The following WASF3 variants were observed in gnomAD, a reference collection of about 807,000 sequenced individuals.
The protein encoded by WASF3 is WASP family member 3.
Under a neutral mutation model 46.6 loss-of-function variants are expected in WASF3, and 11 were observed. That is an observed-to-expected ratio of 0.24 (90% CI 0.15 to 0.39). The LOEUF (loss-of-function observed/expected upper bound fraction) is 0.39, where lower values mean the gene tolerates loss of function less well. WASF3 is among the 10% of genes least tolerant of loss of function. WASF3 has a pLI of 1.00. For synonymous variants in WASF3, 242 were observed against 259.7 expected, an observed-to-expected ratio of 0.93 and a Z score of 0.65; for missense variants, 576 against 669.8, an observed-to-expected ratio of 0.86 and a Z score of 1.55.
intron 7 of WASF3, among the ~76,000 whole-genome samples, chr13:26,680,852 C>T (rs1883203383): frequency 6.6e-6 from 1 of 152,162 alleles, no homozygotes; most frequent in Admixed American, 6.5e-5. Flanking sequence ...ATCCATGTAA[C>T]ACTGGGGCTT....
At chr13:26,663,402 T>C (rs1182476513) in intron 3 of WASF3, among the ~76,000 whole-genome samples, 1 of 152,162 alleles carries the variant, frequency 6.6e-6, no homozygotes, top group African/African-American at 2.4e-5. Context: ...TGTATATAGT[T>C]TGTGTGAAGG....
At chr13:26,678,593 C>G (rs771156619) in intron 7 of WASF3, among the ~76,000 whole-genome samples, 3 of 152,044 alleles carry the variant, frequency 2.0e-5, no homozygotes, top group African/African-American at 4.8e-5. Flanking sequence ...AATTTAAATA[C>G]CAGGTTTCAT....
chr13:26,613,880 A>G (rs942650418), intron 2 of WASF3, among the ~76,000 whole-genome samples: 2 of 152,138 alleles, frequency 1.3e-5, no homozygotes, highest in Non-Finnish European at 2.9e-5. Flanking sequence ...TGAATTATTT[A>G]TGGATTTCAG....
rs1345087446 is a variant in WASF3, at chr13:26,688,319, A to C, written c.*2474A>C. The C allele has an allele frequency of 1.3e-5, 2 of 152,220 alleles. No individual in the cohort carries two copies. Among genetic ancestry groups the C allele is most frequent in the Non-Finnish European group, 2.9e-5 (2 of 68,032 alleles). 9.4% of individuals were successfully genotyped at this position (152,220 alleles called of 1,614,324 possible). A position where few individuals can be genotyped will look rare whatever the true frequency, so the allele number is the denominator to read the frequency against. On this transcript the variant is annotated 3_prime_UTR_variant, in exon 10 of 10. Coordinates refer to ENST00000335327, the MANE Select transcript of WASF3 (RefSeq NM_006646.6). ...GAAGAAACATCCAAAAGCACATTTC[A>C]TTTCTCCAAACTTTGTGTTTTAAAT...
In WASF3 at chr13:26,639,421, C is replaced by T. The variant is rs75174218; in HGVS notation, c.-10-2840C>T. ...ATGTAAATGTCTATGGCTGTACAAT[C>T]AGCAAACATTTTTTGAATAATCAGG... On this transcript the variant is annotated intron_variant, in intron 2 of 9. Transcript: ENST00000335327. Among the ~76,000 whole-genome samples, 1,059 of 152,318 alleles carry T rather than the reference C, an allele frequency of 7.0e-3. 9 individuals carry two copies. The highest frequency in any genetic ancestry group is 0.024 in the African/African-American group (982 of 41,578).
chr13:26,571,412 TC>T (rs1188197942), intron 1 of WASF3, among the ~76,000 whole-genome samples: 1 of 152,228 alleles, frequency 6.6e-6, no homozygotes, highest in East Asian at 1.9e-4. Flanking sequence ...ACAAATTTAT[TC>T]TGATATATAT....
intron 1 of WASF3, among the ~76,000 whole-genome samples, chr13:26,582,416 C>G (rs928252235): frequency 6.6e-6 from 1 of 152,082 alleles, no homozygotes; most frequent in African/African-American, 2.4e-5. Flanking sequence ...TGGCTCACAC[C>G]TGTAATCCTA....
chr13:26,599,227 A>AGG (rs1308837865), intron 1 of WASF3, among the ~76,000 whole-genome samples: 1 of 129,492 alleles, frequency 7.7e-6, no homozygotes, highest in Non-Finnish European at 1.6e-5. Flanking sequence ...TCTGTCACCC[A>AGG]GGCTGGAGTG....
upstream of WASF3, among the ~76,000 whole-genome samples, chr13:26,554,835 G>A (rs899252312): frequency 1.3e-5 from 2 of 152,184 alleles, no homozygotes; most frequent in Non-Finnish European, 2.9e-5. Flanking sequence ...TCGTGATTAT[G>A]AATAAACATT....
At chr13:26,644,600 A>G (rs778045564) in intron 3 of WASF3, among the ~76,000 whole-genome samples, 1 of 152,100 alleles carries the variant, frequency 6.6e-6, no homozygotes, top group Non-Finnish European at 1.5e-5. Flanking sequence ...AAAATTAGAC[A>G]CCCATGTGTC....
chr13:26,649,638 T>C lies in WASF3; in HGVS notation c.133+7235T>C, dbSNP rs188231879. On this transcript the variant is annotated intron_variant, in intron 3 of 9. Coordinates refer to ENST00000335327, the MANE Select transcript of WASF3 (RefSeq NM_006646.6). Reference sequence around the variant, plus strand: ...TGCTGGAGGCTCATTGAGGACAAGTTTGAGAGTTAAAAGCTCCAGAAGGGC... The same window carrying C: ...TGCTGGAGGCTCATTGAGGACAAGTCTGAGAGTTAAAAGCTCCAGAAGGGC... Among the ~76,000 whole-genome samples, 205 of 152,286 alleles carry C rather than the reference T, an allele frequency of 1.3e-3. 1 individual carries two copies. Among genetic ancestry groups the C allele is most frequent in the African/African-American group, 4.8e-3 (200 of 41,552 alleles).
chr13:26,587,240 T>C (rs1342428274), intron 1 of WASF3, among the ~76,000 whole-genome samples: 1 of 151,448 alleles, frequency 6.6e-6, no homozygotes, highest in Non-Finnish European at 1.5e-5. Context: ...TTGGAAAAAT[T>C]GGAAACAACT....
At chr13:26,663,778 T>G (rs911723645) in intron 3 of WASF3, among the ~76,000 whole-genome samples, 1 of 152,204 alleles carries the variant, frequency 6.6e-6, no homozygotes, top group Non-Finnish European at 1.5e-5. Flanking sequence ...TATCGAGTGT[T>G]TCATGGCATG....
chr13:26,552,659 C>G, the WASF3 span, among the ~76,000 whole-genome samples: 1 of 119,634 alleles, frequency 8.4e-6, no homozygotes, highest in East Asian at 2.6e-4. Context: ...TCAAAAATGA[C>G]AGTTATTATG....
chr13:26,546,525 C>A, the WASF3 span, among the ~76,000 whole-genome samples: 1 of 151,984 alleles, frequency 6.6e-6, no homozygotes, highest in Non-Finnish European at 1.5e-5. Flanking sequence ...AGCCTGGCCA[C>A]CATGGTGAAA....
rs769533945 is a variant in WASF3, at chr13:26,676,518, G to GGCAT, written c.541-28_541-25dup. On this transcript the variant is annotated intron_variant, in intron 6 of 9. Transcript: ENST00000335327. The stretch of plus-strand genomic sequence containing the variant: ...GCTGTTTTCCTTTCCCTTCTGTCTT[G>GGCAT]GCATGCTCTCTTTCCTTTCCTGGAC... 8.1e-6 allele frequency: 13 copies of GGCAT among 1,607,482 alleles called. No individual in the cohort carries two copies. In the Admixed American group the frequency reaches 2.2e-4, roughly 27 times the overall value.
chr13:26,595,407 T>G (rs759886413), intron 1 of WASF3, among the ~76,000 whole-genome samples: 1 of 152,216 alleles, frequency 6.6e-6, no homozygotes, highest in Non-Finnish European at 1.5e-5. Context: ...CATGTACCCT[T>G]GCCCAGCTTC....
rs1883438748 is a variant in WASF3 at position 26,687,338 on chromosome 13, T to C, written c.*1493T>C. ...AAGAATCTGGAGCTAAAAGCAGAGA[T>C]GTTTGAGGTGACGGTAGGAATGTGA... On this transcript the variant is annotated 3_prime_UTR_variant, in exon 10 of 10. Coordinates refer to ENST00000335327, the MANE Select transcript of WASF3 (RefSeq NM_006646.6). The C allele has an allele frequency of 6.6e-6, 1 of 152,202 alleles. No individual in the cohort carries two copies. Among genetic ancestry groups the C allele is most frequent in the Non-Finnish European group, 1.5e-5 (1 of 68,050 alleles). The allele number at this position is 152,202 out of a possible 1,614,324, so 9.4% of individuals were successfully genotyped here.
At chr13:26,541,856 C>A in the WASF3 span, among the ~76,000 whole-genome samples, 1 of 152,188 alleles carries the variant, frequency 6.6e-6, no homozygotes, top group Non-Finnish European at 1.5e-5. Context: ...GTTAAGCCTC[C>A]AACCAGGAGA....
Sources: gnomAD v4.1 joint callset for allele counts (sites outside exome capture counted in the v4.1 genomes callset) on GRCh38, gnomAD v4.1.1 for gene constraint, MANE v1.5 for transcripts, NCBI Gene and HGNC (gene_info 2026-07-23, HGNC 2026-07-21) for gene names.